KCNG3: variants seen among roughly 807,000 people sequenced by gnomAD.
The protein encoded by KCNG3 is potassium voltage-gated channel modifier subfamily G member 3.
In KCNG3, 15 loss-of-function variants were observed where a neutral mutation model predicts 29.0. The observed-to-expected ratio is 0.52, with a 90% CI of 0.35 to 0.80. KCNG3 has a LOEUF of 0.80. Ranked by LOEUF, KCNG3 falls within the 30% of genes least tolerant of loss-of-function variation. KCNG3 has a pLI of 0.01. For missense variants in KCNG3, 512 were observed against 605.7 expected, an observed-to-expected ratio of 0.85 and a Z score of 1.62; for synonymous variants, 322 against 248.9, an observed-to-expected ratio of 1.29 and a Z score of -2.76.
At chr2:42,405,263 T>C in the KCNG3 span, among the ~76,000 whole-genome samples, 1 of 152,188 alleles carries the variant, frequency 6.6e-6, no homozygotes, top group Non-Finnish European at 1.5e-5. Context: ...TATTTACCTT[T>C]TCTTCCTCTC....
the KCNG3 span, among the ~76,000 whole-genome samples, chr2:42,427,604 C>G: frequency 9.3e-6 from 1 of 108,002 alleles, no homozygotes; most frequent in Non-Finnish European, 1.9e-5. Context: ...GACCCTGTCT[C>G]AAAAAAAAAA....
the KCNG3 span, among the ~76,000 whole-genome samples, chr2:42,424,016 G>A: frequency 6.6e-6 from 1 of 152,118 alleles, no homozygotes; most frequent in Admixed American, 6.6e-5. Context: ...TCAACTTCAA[G>A]ATCCTCTTTC....
chr2:42,405,536 T>A, the KCNG3 span, among the ~76,000 whole-genome samples: 2 of 152,012 alleles, frequency 1.3e-5, no homozygotes, highest in South Asian at 4.2e-4. Flanking sequence ...CCTCCCAGTT[T>A]CAATCTATTC....
chr2:42,440,925 T>G (rs955107381), downstream of KCNG3, among the ~76,000 whole-genome samples: 4 of 152,202 alleles, frequency 2.6e-5, no homozygotes, highest in African/African-American at 9.6e-5. Flanking sequence ...ATTAGGAGAT[T>G]AGGGCTTTTT....
At chr2:42,421,222 A>G in the KCNG3 span, among the ~76,000 whole-genome samples, 2 of 152,238 alleles carry the variant, frequency 1.3e-5, no homozygotes, top group Non-Finnish European at 2.9e-5. Context: ...ACTGAGCAAC[A>G]ATTATGTGCT....
At chr2:42,485,627 T>G (rs912221595) in intron 1 of KCNG3, among the ~76,000 whole-genome samples, 1 of 152,104 alleles carries the variant, frequency 6.6e-6, no homozygotes, top group African/African-American at 2.4e-5. Context: ...TTTTTGTATT[T>G]TTAGCAGAGA....
At chr2:42,486,068 T>C (rs1293289528) in intron 1 of KCNG3, among the ~76,000 whole-genome samples, 1 of 152,214 alleles carries the variant, frequency 6.6e-6, no homozygotes, top group Non-Finnish European at 1.5e-5. Context: ...ACCAACATGC[T>C]GGAGATCCCT....
intron 1 of KCNG3, among the ~76,000 whole-genome samples, chr2:42,473,550 A>G (rs1673345091): frequency 6.6e-6 from 1 of 151,366 alleles, no homozygotes; most frequent in South Asian, 2.1e-4. Context: ...TGTTTTCACC[A>G]TGTTGGCCAG....
chr2:42,456,693 A>G (rs959464697), intron 1 of KCNG3, among the ~76,000 whole-genome samples: 1 of 152,222 alleles, frequency 6.6e-6, no homozygotes, highest in Non-Finnish European at 1.5e-5. Context: ...AGCAGCTTAA[A>G]TCAGCCTTAA....
intron 1 of KCNG3, among the ~76,000 whole-genome samples, chr2:42,472,826 A>C (rs1414498779): frequency 1.4e-5 from 2 of 147,830 alleles, no homozygotes; most frequent in Non-Finnish European, 3.0e-5. Context: ...ATATCTAGAT[A>C]TCTATATATA....
chr2:42,487,301 T>C (rs1673749438), intron 1 of KCNG3, among the ~76,000 whole-genome samples: 1 of 151,724 alleles, frequency 6.6e-6, no homozygotes, highest in Non-Finnish European at 1.5e-5. Context: ...AACAAAGTAT[T>C]TGCAACTAAT....
chr2:42,427,804 G>C, the KCNG3 span, among the ~76,000 whole-genome samples: 1 of 152,042 alleles, frequency 6.6e-6, no homozygotes, highest in East Asian at 1.9e-4. Context: ...AAGTAAATCT[G>C]TTCTTTACTT....
the KCNG3 span, among the ~76,000 whole-genome samples, chr2:42,405,220 C>T: frequency 2.6e-5 from 4 of 152,202 alleles, no homozygotes; most frequent in Non-Finnish European, 4.4e-5. Flanking sequence ...CTCTACTATA[C>T]ATGCAGTTAT....
chr2:42,484,986 G>T (rs902721560), intron 1 of KCNG3, among the ~76,000 whole-genome samples: 5 of 152,126 alleles, frequency 3.3e-5, no homozygotes, highest in Non-Finnish European at 5.9e-5. Context: ...TTCATCTTCA[G>T]TTTCAAATAC....
the KCNG3 span, among the ~76,000 whole-genome samples, chr2:42,392,444 CTAA>C: frequency 6.6e-6 from 1 of 152,092 alleles, no homozygotes; most frequent in Non-Finnish European, 1.5e-5. Context: ...TGCTGATTCT[CTAA>C]TACAACACTG....
At chr2:42,469,636 A>G (rs921461788) in intron 1 of KCNG3, among the ~76,000 whole-genome samples, 1 of 152,086 alleles carries the variant, frequency 6.6e-6, no homozygotes, top group Non-Finnish European at 1.5e-5. Context: ...AAGTTAAGTA[A>G]ATTATTTATA....
intron 1 of KCNG3, among the ~76,000 whole-genome samples, chr2:42,475,646 T>TAA (rs753198436): frequency 9.6e-5 from 13 of 136,050 alleles, no homozygotes; most frequent in African/African-American, 2.4e-4. Flanking sequence ...TCTGTCTCTT[T>TAA]AAAAAAAAAA....
chr2:42,479,645 CAAAA>C (rs1228507786), intron 1 of KCNG3, among the ~76,000 whole-genome samples: 2 of 91,100 alleles, frequency 2.2e-5, no homozygotes. Context: ...GACCCTGTCT[CAAAA>C]AAAAAAAAAA....
At chr2:42,429,817 T>G in the KCNG3 span, among the ~76,000 whole-genome samples, 1 of 151,880 alleles carries the variant, frequency 6.6e-6, no homozygotes, top group Non-Finnish European at 1.5e-5. Context: ...GGACCTCGAG[T>G]AGAGAAGATA....
Sources: gnomAD v4.1 joint callset for allele counts (sites outside exome capture counted in the v4.1 genomes callset) on GRCh38, gnomAD v4.1.1 for gene constraint, MANE v1.5 for transcripts, NCBI Gene and HGNC (gene_info 2026-07-23, HGNC 2026-07-21) for gene names.